IRF3: variants seen among roughly 807,000 people sequenced by gnomAD.
IRF3 encodes interferon regulatory factor 3.
In IRF3, 29 loss-of-function variants were observed where a neutral mutation model predicts 43.2. The observed-to-expected ratio is 0.67, with a 90% confidence interval of 0.50 to 0.91. The LOEUF (loss-of-function observed/expected upper bound fraction) is 0.91, where lower values mean the gene tolerates loss of function less well. IRF3 is among the 40% of genes least tolerant of loss of function. The pLI, the probability that IRF3 is intolerant of heterozygous loss-of-function variation, is 0.00. For synonymous variants in IRF3, 228 were observed against 233.9 expected (o/e 0.97, Z 0.23); for missense variants, 505 against 559.1 (o/e 0.90, Z 0.98).
In IRF3 at chr19:49,664,698, C is replaced by G. The variant is rs1287964859; in HGVS notation, c.141G>C (p.Gln47His). 2 of 1,613,836 alleles carry G rather than the reference C, an allele frequency of 1.2e-6. No homozygotes were observed. Among genetic ancestry groups the G allele is most frequent in the Non-Finnish European group, 1.7e-6 (2 of 1,179,916 alleles). The stretch of plus-strand genomic sequence containing the variant: ...CCTGGAAGATTCCGAAATCCTCCTG[C>G]TGTGCATCCTGCCGTAGGCCGTGCT... ...PWKHGLRQDA[Q>H]QEDFGIFQAW... The change falls in exon 2 of 8, where the codon CAG becomes CAC. Residue 47 changes from glutamine to histidine, a missense_variant. Transcript: ENST00000377139.
chr19:49,662,728 C>G (rs2081395168), intron 4 of IRF3, 111 bp from the exon 5 acceptor site: 2 of 847,398 alleles, frequency 2.4e-6, no homozygotes, highest in Non-Finnish European at 3.6e-6. Context: ...TGAGCTCTGC[C>G]TTCAAGGGGC....
intron 2 of IRF3, 190 bp downstream of exon 2, chr19:49,664,484 C>T (rs1287377164): frequency 1.9e-6 from 3 of 1,547,210 alleles, no homozygotes; most frequent in Admixed American, 1.9e-5. Context: ...CAGCTCCAAC[C>T]CTGCTTGCGC....
At chr19:49,664,628 C>T (rs559815182) in intron 2 of IRF3, 46 bp downstream of exon 2, 1 of 1,610,280 alleles carries the variant, frequency 6.2e-7, no homozygotes, top group Non-Finnish European at 8.5e-7. Flanking sequence ...CCTTTCCGCC[C>T]AGCGCGCAGC....
rs1363135882 is a variant in IRF3, at chr19:49,663,431, G to A, written c.249C>T (p.Ala83=). The A allele has an allele frequency of 1.9e-6, 3 of 1,614,182 alleles. No individual in the cohort carries two copies. The highest frequency in any genetic ancestry group is 2.5e-6 in the Non-Finnish European group (3 of 1,180,042). Residue 83 remains alanine (A), a synonymous_variant, in exon 3 of 8, where the codon GCC becomes GCT. Coordinates refer to ENST00000377139, the MANE Select transcript of IRF3 (RefSeq NM_001571.6). ...LPTWKRNFRS[A]LNRKEGLRLA... ...AACGCAACCCTTCTTTGCGGTTGAG[G>A]GCAGAGCGGAAATTCCTCTTCCAGG...
At position 49,662,526 on chromosome 19, in the gene IRF3, C is replaced by T. The variant is rs1278183717; in HGVS notation, c.500G>A (p.Cys167Tyr). ...PPSLAVAPEP[C>Y]PQPLRSPSLD... ...GCTGGGGCTCCGCAGGGGCTGAGGGCAGGGCTCAGGGGCTACAGCCAGGCT... is the reference window on the plus strand; with the variant it reads ...GCTGGGGCTCCGCAGGGGCTGAGGGTAGGGCTCAGGGGCTACAGCCAGGCT... The change falls in exon 5 of 8, where the codon TGC (cysteine) becomes TAC (tyrosine). Residue 167 changes from cysteine (C) to tyrosine (Y), a missense_variant. By Grantham distance (194) the Cys-to-Tyr change is radical. Transcript: ENST00000377139. 2.6e-6 allele frequency: 4 copies of T among 1,543,124 alleles called. No individual in the cohort carries two copies. The South Asian group carries it at 3.6e-5, about 14-fold the overall frequency.
chr19:49,659,644 G>C lies in IRF3; in HGVS notation c.*4C>G. 1 of 1,611,872 alleles carries C rather than the reference G, an allele frequency of 6.2e-7. No individual in the cohort carries two copies. Among genetic ancestry groups the C allele is most frequent in the East Asian group, 2.2e-5 (1 of 44,794 alleles). On this transcript the variant is annotated 3_prime_UTR_variant, in exon 8 of 8. Coordinates refer to ENST00000377139, the MANE Select transcript of IRF3 (RefSeq NM_001571.6). ...GTTGGAGGCACACCATGAGGAGCGA[G>C]GGCTCAGCTCTCCCCAGGGCCCTGG...
rs1251962855 is a variant in IRF3, at chr19:49,665,667, C to T, written c.-45G>A. On this transcript the variant is annotated 5_prime_UTR_variant, in exon 1 of 8. Coordinates refer to ENST00000377139, the MANE Select transcript of IRF3 (RefSeq NM_001571.6). ...GGTCGGGGCGTGCGGGCAGCTGGAA[C>T]CCACCCCTGTCTTGGAGCTCCGGGT... 9.1e-6 allele frequency: 9 copies of T among 987,346 alleles called. No homozygotes were observed. The highest frequency in any genetic ancestry group is 5.1e-5 in the South Asian group (3 of 58,666). 61.2% of individuals were successfully genotyped at this position (987,346 alleles called of 1,614,324 possible).
chr19:49,660,786 T>C lies in IRF3; in HGVS notation c.1025A>G (p.Tyr342Cys), dbSNP rs1057506192. 1.2e-5 allele frequency: 19 copies of C among 1,610,600 alleles called. No individual in the cohort carries two copies. In the Admixed American group the frequency reaches 2.5e-4, roughly 21 times the overall value. The change falls in exon 7 of 8, where the codon TAT becomes TGT. Residue 342 changes from tyrosine to cysteine, a missense_variant. By Grantham distance (194) the Tyr-to-Cys change is radical. Transcript: ENST00000377139. ...FTEGSGRSPRYALWFCVGESW... is the reference protein window; with the variant it reads ...FTEGSGRSPRCALWFCVGESW... ...CTCCCCCACACAGAACCAGAGGGCA[T>C]AGCGTGGTGAGCGTCCGCTTCCTTC...
chr19:49,660,028 C>CACACCCCCCCCCCCACACACA (rs1555753000), intron 7 of IRF3, among the ~76,000 whole-genome samples, 195 bp from the exon 8 acceptor site: 1 of 109,830 alleles, frequency 9.1e-6, no homozygotes, highest in African/African-American at 4.0e-5. Flanking sequence ...CACACACACA[C>CACACCCCCCCCCCCACACACA]CCCCTGCTGT....
chr19:49,663,682 C>G (rs2081468964), intron 2 of IRF3, 168 bp from the exon 3 acceptor site: 2 of 630,038 alleles, frequency 3.2e-6, no homozygotes, highest in Admixed American at 3.1e-5. Context: ...CATCCCCCAC[C>G]TCTAGTTTTC....
At position 49,659,850 on chromosome 19, in the gene IRF3, G is replaced by T. The variant is rs1348409993; in HGVS notation, c.1099-17C>A. On this transcript the variant is annotated splice_polypyrimidine_tract_variant and intron_variant, in intron 7 of 7. Coordinates refer to ENST00000377139, the MANE Select transcript of IRF3 (RefSeq NM_001571.6). ...GGGCACAACCTGCAGGGGAAGTGGG[G>T]ACAGGAGTCAGGGAAAACACCCAGC... 1.3e-6 allele frequency: 2 copies of T among 1,560,828 alleles called. No homozygotes were observed. Among genetic ancestry groups the T allele is most frequent in the Non-Finnish European group, 1.7e-6 (2 of 1,149,744 alleles).
rs1599896059 is a variant in IRF3, at chr19:49,665,856, A to G, written c.-234T>C. 2.5e-6 allele frequency: 4 copies of G among 1,608,508 alleles called. No homozygotes were observed. The East Asian group carries it at 6.7e-5, about 27-fold the overall frequency. On this transcript the variant is annotated 5_prime_UTR_variant, in exon 1 of 8. Transcript: ENST00000377139. ...GGCCCGCTGGGCTGTTCCCGCCCCTATGCCCTTTTTTGGGTTTCCGGCCAG... is the reference window on the plus strand; with the variant it reads ...GGCCCGCTGGGCTGTTCCCGCCCCTGTGCCCTTTTTTGGGTTTCCGGCCAG...
chr19:49,659,861 G>A (rs762027865), intron 7 of IRF3, 28 bp from the exon 8 acceptor site: 4 of 1,550,342 alleles, frequency 2.6e-6, no homozygotes, highest in Non-Finnish European at 2.6e-6. Context: ...ACAGGAGTCA[G>A]GGAAAACACC....
Position 49,663,377 on chromosome 19 carries a change from GT to G in IRF3, c.302del (p.His101ProfsTer10). 1 of 1,614,222 alleles carries G rather than the reference GT, an allele frequency of 6.2e-7. No homozygotes were observed. Among genetic ancestry groups the G allele is most frequent in the African/African-American group, 1.3e-5 (1 of 75,058 alleles). ...RLAEDRSKDP[H>X]DPHKIYEFVN... ...CAAACTCGTAGATTTTATGTGGGTC[GT>G]GAGGGTCCTTGCTCCGGTCCTCTGC... On this transcript the variant is annotated frameshift_variant, in exon 3 of 8. Coordinates refer to ENST00000377139, the MANE Select transcript of IRF3 (RefSeq NM_001571.6). LOFTEE classifies it high-confidence loss of function.
chr19:49,664,928 T>C (rs1213372272), intron 1 of IRF3, 82 bp from the exon 2 acceptor site: 3 of 1,414,530 alleles, frequency 2.1e-6, no homozygotes, highest in Admixed American at 2.4e-5. Flanking sequence ...CAGACCTCCT[T>C]CTCACGGGCC....
At position 49,662,629 on chromosome 19, in the gene IRF3, CAA is replaced by C. The variant is rs921778685; in HGVS notation, c.409-14_409-13del. The C allele has an allele frequency of 9.8e-6, 15 of 1,523,216 alleles. No individual in the cohort carries two copies. Among genetic ancestry groups the C allele is most frequent in the African/African-American group, 4.2e-5 (3 of 71,088 alleles). 94.4% of individuals were successfully genotyped at this position (1,523,216 alleles called of 1,614,324 possible). On this transcript the variant is annotated splice_polypyrimidine_tract_variant and intron_variant, in intron 4 of 7. Coordinates refer to ENST00000377139, the MANE Select transcript of IRF3 (RefSeq NM_001571.6). ...TCCAGAATGTCTTCCTGGAGGGAAA[CAA>C]AAAAAGAGAATCAGGCATTTCCATA... is the stretch of plus-strand genomic sequence containing the variant.
intron 6 of IRF3, among the ~76,000 whole-genome samples, chr19:49,661,169 C>T (rs2081311172): frequency 6.6e-6 from 1 of 152,206 alleles, no homozygotes; most frequent in Non-Finnish European, 1.5e-5. Flanking sequence ...AGCCATTAGT[C>T]ATGTAAGGTT....
rs754224294 is a variant in IRF3, at chr19:49,664,631, C to A, written c.165+43G>T. On this transcript the variant is annotated intron_variant, in intron 2 of 7. Coordinates refer to ENST00000377139, the MANE Select transcript of IRF3 (RefSeq NM_001571.6). ...CCCACTAGGAGTCCTTTCCGCCCAG[C>A]GCGCAGCTCCGGGTTTCCAGCGTCC... 1.9e-6 allele frequency: 3 copies of A among 1,610,058 alleles called. No homozygotes were observed. In the South Asian group the frequency reaches 3.3e-5, roughly 18 times the overall value.
intron 7 of IRF3, among the ~76,000 whole-genome samples, 199 bp from the exon 8 acceptor site, chr19:49,660,032 C>CT (rs2081243185): frequency 7.0e-6 from 1 of 143,838 alleles, no homozygotes; most frequent in Non-Finnish European, 1.5e-5. Flanking sequence ...CACACACCCC[C>CT]TGCTGTAACT....
Sources: allele counts gnomAD v4.1 joint callset (sites outside exome capture counted in the v4.1 genomes callset), GRCh38; gene constraint gnomAD v4.1.1; transcripts MANE v1.5; gene names NCBI Gene and HGNC (gene_info 2026-07-23, HGNC 2026-07-21).